Variants in SLCO1B3 observed in about 807,000 individuals in gnomAD.
SLCO1B3 encodes the protein solute carrier organic anion transporter family member 1B3, also known as liver-specific organic anion transporter 2.
In SLCO1B3, 72 loss-of-function variants were observed where a neutral mutation model predicts 71.8. The ratio of observed to expected loss-of-function variants is 1.00; its 90% CI spans 0.83 to 1.22. SLCO1B3 has a LOEUF of 1.22. Ranked by LOEUF, SLCO1B3 falls within the 50% of genes most tolerant of loss-of-function variation. The pLI, the probability that SLCO1B3 is intolerant of heterozygous loss-of-function variation, is 0.00. For synonymous variants in SLCO1B3, 298 were observed against 278.4 expected (o/e 1.07, Z -0.70); for missense variants, 911 against 819.7 (o/e 1.11, Z -1.36).
At chr12:20,897,118 A>G (rs1866025234) in intron 13 of SLCO1B3, among the ~76,000 whole-genome samples, 1 of 152,174 alleles carries the variant, frequency 6.6e-6, no homozygotes, top group African/African-American at 2.4e-5. Context: ...ACACAGAGCC[A>G]AATCGTATCA....
chr12:20,835,723 G>A (rs4370982), intron 3 of SLCO1B3, among the ~76,000 whole-genome samples: 1 of 152,060 alleles, frequency 6.6e-6, no homozygotes, highest in South Asian at 2.1e-4. Context: ...ACATCTTCCT[G>A]TCTTCTGAGC....
chr12:20,905,269 G>T (rs897064697), intron 15 of SLCO1B3, among the ~76,000 whole-genome samples: 8 of 152,168 alleles, frequency 5.3e-5, no homozygotes, highest in Non-Finnish European at 1.0e-4. Context: ...CTGGTGATAG[G>T]AGGGGCCTCC....
chr12:20,879,412 T>A (rs1865646069), intron 10 of SLCO1B3, 24 bp from the exon 11 acceptor site: 1 of 1,504,572 alleles, frequency 6.6e-7, no homozygotes, highest in South Asian at 1.2e-5. Flanking sequence ...TAATTATAGC[T>A]TTTTTCTCTT....
In SLCO1B3 at chr12:20,898,446, C is replaced by G; in HGVS notation, c.1693C>G (p.Pro565Ala). The G allele has an allele frequency of 6.3e-7, 1 of 1,596,388 alleles. No individual in the cohort carries two copies. The highest frequency in any genetic ancestry group is 1.1e-5 in the South Asian group (1 of 90,154). ...FILLTVKIVQ[P>A]ELKALAMGFQ... ...TTTATCATATTTCAGGATTGTTCAA[C>G]CTGAATTGAAAGCACTTGCAATGGG... The change falls in exon 14 of 16, where the codon CCT (proline) becomes GCT (alanine). Residue 565 changes from proline (P) to alanine (A), a missense_variant. Coordinates refer to ENST00000381545, the MANE Select transcript of SLCO1B3 (RefSeq NM_019844.4).
Position 20,855,072 on chromosome 12 carries a change from A to G in SLCO1B3, c.129A>G (p.Leu43=). 1 of 1,611,998 alleles carries G rather than the reference A, an allele frequency of 6.2e-7. No individual in the cohort carries two copies. The highest frequency in any genetic ancestry group is 8.5e-7 in the Non-Finnish European group (1 of 1,179,298). The change falls in exon 4 of 16, where the codon CTA becomes CTG. Residue 43 remains leucine (L), a synonymous_variant. Transcript: ENST00000381545. The part of the protein sequence containing the change: ...ALSFSYIAKA[L]GGIIMKISIT... ...CATTCAGCTATATTGCTAAAGCACT[A>G]GGTGGAATCATTATGAAAATTTCCA...
chr12:20,833,472 A>G (rs1256117593), intron 3 of SLCO1B3, among the ~76,000 whole-genome samples: 1 of 149,278 alleles, frequency 6.7e-6, no homozygotes, highest in Non-Finnish European at 1.5e-5. Flanking sequence ...ATATAAATAT[A>G]TACACACATA....
intron 13 of SLCO1B3, among the ~76,000 whole-genome samples, chr12:20,886,439 T>G (rs1865794456): frequency 6.6e-6 from 1 of 151,990 alleles, no homozygotes; most frequent in African/African-American, 2.4e-5. Flanking sequence ...GCACTCTAAC[T>G]TTAGCGATTA....
chr12:20,815,402 C>G (rs1429887468), intron 2 of SLCO1B3, among the ~76,000 whole-genome samples: 1 of 151,942 alleles, frequency 6.6e-6, no homozygotes, highest in South Asian at 2.1e-4. Context: ...TTCATACAAT[C>G]TAGTGTGTGG....
At chr12:20,866,865 T>A in intron 8 of SLCO1B3, among the ~76,000 whole-genome samples, 1 of 152,256 alleles carries the variant, frequency 6.6e-6, no homozygotes, top group South Asian at 2.1e-4. Context: ...TGTTCTTACC[T>A]ATACAACTGC....
At chr12:20,861,164 C>A in intron 6 of SLCO1B3, 26 bp downstream of exon 6, 1 of 1,522,252 alleles carries the variant, frequency 6.6e-7, no homozygotes, top group East Asian at 2.5e-5. Flanking sequence ...GACAGTAAAA[C>A]AAATTCTAGA....
chr12:20,818,382 TTA>T (rs1287453008), intron 3 of SLCO1B3, among the ~76,000 whole-genome samples: 3 of 152,228 alleles, frequency 2.0e-5, no homozygotes, highest in South Asian at 4.2e-4. Flanking sequence ...AACTGAGGAA[TTA>T]TGTCTGACAG....
chr12:20,827,641 A>G (rs1365728021), intron 3 of SLCO1B3, among the ~76,000 whole-genome samples: 1 of 151,898 alleles, frequency 6.6e-6, no homozygotes, highest in African/African-American at 2.4e-5. Flanking sequence ...GCATGATCTC[A>G]GTTCACTGCA....
intron 3 of SLCO1B3, among the ~76,000 whole-genome samples, chr12:20,843,701 A>G (rs747784301): frequency 2.6e-4 from 39 of 151,986 alleles, no homozygotes; most frequent in Non-Finnish European, 4.1e-4. Context: ...GAATGGCATG[A>G]ACCCTGGAGG....
In SLCO1B3 at chr12:20,905,806, C is replaced by T. The variant is rs74746476; in HGVS notation, c.1865+4339C>T. The stretch of plus-strand genomic sequence containing the variant: ...CCCACATCTTCTGTCTCCTTCTGAG[C>T]ACTCCTAACTGTTTCAACCTCTGCT... On this transcript the variant is annotated intron_variant, in intron 15 of 15. Transcript: ENST00000381545. Among the ~76,000 whole-genome samples, 1,065 of 152,344 alleles carry T rather than the reference C, an allele frequency of 7.0e-3. 20 individuals carry two copies. The East Asian group carries it at 0.073, about 10-fold the overall frequency.
intron 3 of SLCO1B3, among the ~76,000 whole-genome samples, chr12:20,850,016 T>C (rs1208037355): frequency 6.9e-6 from 1 of 145,072 alleles, no homozygotes; most frequent in Non-Finnish European, 1.5e-5. Flanking sequence ...GCACATTCTA[T>C]CTAAATCCCA....
intron 5 of SLCO1B3, 110 bp from the exon 6 acceptor site, chr12:20,860,907 T>C (rs1865249160): frequency 9.2e-7 from 1 of 1,091,222 alleles, no homozygotes; most frequent in Non-Finnish European, 1.3e-6. Flanking sequence ...ATTCTGGTAA[T>C]TTGGAGAAGA....
intron 3 of SLCO1B3, among the ~76,000 whole-genome samples, chr12:20,844,532 C>T (rs998494311): frequency 6.6e-6 from 1 of 152,032 alleles, no homozygotes; most frequent in East Asian, 1.9e-4. Context: ...CACACCATTG[C>T]ACTCCAGCCT....
chr12:20,905,016 G>A (rs1866213129), intron 15 of SLCO1B3, among the ~76,000 whole-genome samples: 1 of 151,848 alleles, frequency 6.6e-6, no homozygotes, highest in South Asian at 2.1e-4. Flanking sequence ...ATACATACTA[G>A]GAATAGGTCC....
chr12:20,832,458 T>C (rs750509643), intron 3 of SLCO1B3, among the ~76,000 whole-genome samples: 2 of 151,864 alleles, frequency 1.3e-5, no homozygotes, highest in African/African-American at 4.8e-5. Context: ...TACCCCTATA[T>C]TGTAATGAAA....
Sources: allele counts gnomAD v4.1 joint callset (sites outside exome capture counted in the v4.1 genomes callset), GRCh38; gene constraint gnomAD v4.1.1; transcripts MANE v1.5; gene names NCBI Gene and HGNC (gene_info 2026-07-23, HGNC 2026-07-21).